The following PLXDC2 variants were observed in gnomAD, a reference collection of about 807,000 sequenced individuals.
The protein encoded by PLXDC2 is plexin domain containing 2.
PLXDC2 carries 40 observed loss-of-function variants against 68.9 expected under a neutral mutation model. The observed-to-expected ratio is 0.58, with a 90% confidence interval of 0.45 to 0.76. The LOEUF (loss-of-function observed/expected upper bound fraction) is 0.76. Among genes scored for constraint, PLXDC2 ranks in the 30% least tolerant of loss-of-function variants. The pLI is 0.00. For synonymous variants in PLXDC2, 243 were observed against 234.2 expected (o/e 1.04, Z -0.34); for missense variants, 644 against 661.9 (o/e 0.97, Z 0.30).
chr10:20,183,191 G>T (rs1461099802), intron 9 of PLXDC2, among the ~76,000 whole-genome samples: 1 of 151,874 alleles, frequency 6.6e-6, no homozygotes, highest in Non-Finnish European at 1.5e-5. Context: ...GTAGATAGGG[G>T]ATATGTAAGC....
chr10:20,069,065 T>C (rs1329706323), intron 4 of PLXDC2, among the ~76,000 whole-genome samples: 1 of 152,132 alleles, frequency 6.6e-6, no homozygotes, highest in Admixed American at 6.6e-5. Flanking sequence ...GCTGTGAGCA[T>C]CTATGCCCAA....
chr10:19,818,643 T>G (rs1002608748), intron 1 of PLXDC2, among the ~76,000 whole-genome samples: 5 of 152,210 alleles, frequency 3.3e-5, no homozygotes, highest in Admixed American at 1.3e-4. Flanking sequence ...TGTTCTGCAT[T>G]AATGGACATA....
intron 9 of PLXDC2, among the ~76,000 whole-genome samples, chr10:20,204,645 G>A (rs1834966220): frequency 6.6e-6 from 1 of 152,100 alleles, no homozygotes; most frequent in Non-Finnish European, 1.5e-5. Flanking sequence ...TACATATAGA[G>A]CATAGTTAAG....
intron 13 of PLXDC2, among the ~76,000 whole-genome samples, chr10:20,259,164 A>G (rs1311763145): frequency 2.6e-5 from 4 of 152,122 alleles, no homozygotes; most frequent in East Asian, 1.9e-4. Flanking sequence ...ACACACACAC[A>G]TATTTATTAA....
intron 1 of PLXDC2, among the ~76,000 whole-genome samples, chr10:19,920,130 G>T (rs572968905): frequency 6.6e-6 from 1 of 152,156 alleles, no homozygotes; most frequent in East Asian, 1.9e-4. Context: ...ATTCCCAACC[G>T]TGAGGCCAAG....
At chr10:20,137,096 G>A (rs571480927) in intron 4 of PLXDC2, among the ~76,000 whole-genome samples, 1 of 152,292 alleles carries the variant, frequency 6.6e-6, no homozygotes, top group South Asian at 2.1e-4. Flanking sequence ...GAATAAGGCA[G>A]ATAGATACAT....
intron 13 of PLXDC2, among the ~76,000 whole-genome samples, chr10:20,257,786 C>T (rs924674064): frequency 6.6e-6 from 1 of 151,920 alleles, no homozygotes; most frequent in African/African-American, 2.4e-5. Flanking sequence ...TCCCTTATGT[C>T]CTTTTCACAA....
Position 19,876,136 on chromosome 10 carries a change from G to A in PLXDC2, c.112+58945G>A, listed in dbSNP as rs117204755. Among the ~76,000 whole-genome samples, 11 of 152,204 alleles carry A rather than the reference G, an allele frequency of 7.2e-5. No individual in the cohort carries two copies. In the East Asian group the frequency reaches 2.1e-3, roughly 29 times the overall value. Reference sequence around the variant, plus strand: ...CAAGTCCTGTTTACACTATGGGTCTGGGAGAGTAATAAAGGAACCAGAAGG... The same window carrying A: ...CAAGTCCTGTTTACACTATGGGTCTAGGAGAGTAATAAAGGAACCAGAAGG... On this transcript the variant is annotated intron_variant, in intron 1 of 13. Transcript: ENST00000377252.
chr10:19,956,323 T>C (rs546812781), intron 1 of PLXDC2, among the ~76,000 whole-genome samples: 1 of 152,246 alleles, frequency 6.6e-6, no homozygotes, highest in Non-Finnish European at 1.5e-5. Flanking sequence ...ATGTAACATA[T>C]CTCAGTAATC....
chr10:19,984,320 G>A lies in PLXDC2; in HGVS notation c.113-17455G>A, dbSNP rs374652981. Among the ~76,000 whole-genome samples, 118 of 152,272 alleles carry A rather than the reference G, an allele frequency of 7.7e-4. 1 individual carries two copies. Among genetic ancestry groups the A allele is most frequent in the African/African-American group, 2.8e-3 (117 of 41,570 alleles). ...TGAACATCCCAGGTGGACTTTGTGT[G>A]GGAGCTGAAACTGAACCTGAGGTCT... On this transcript the variant is annotated intron_variant, in intron 1 of 13. Coordinates refer to ENST00000377252, the MANE Select transcript of PLXDC2 (RefSeq NM_032812.9).
chr10:19,977,362 C>T (rs1199140552), intron 1 of PLXDC2, among the ~76,000 whole-genome samples: 4 of 152,190 alleles, frequency 2.6e-5, no homozygotes, highest in Non-Finnish European at 5.9e-5. Flanking sequence ...TCACAAGATC[C>T]CCAGGATAGG....
intron 9 of PLXDC2, among the ~76,000 whole-genome samples, chr10:20,177,798 A>G (rs947587911): frequency 5.9e-5 from 9 of 152,164 alleles, no homozygotes; most frequent in African/African-American, 2.2e-4. Flanking sequence ...AAAGTGTAGC[A>G]TATGTATGCA....
intron 1 of PLXDC2, among the ~76,000 whole-genome samples, chr10:19,962,917 G>T (rs1425710536): frequency 6.7e-6 from 1 of 149,448 alleles, no homozygotes; most frequent in Non-Finnish European, 1.5e-5. Flanking sequence ...GTGAACCTGG[G>T]AGGCAGAGCT....
chr10:20,175,399 C>G (rs2131824739), intron 7 of PLXDC2, among the ~76,000 whole-genome samples: 1 of 152,320 alleles, frequency 6.6e-6, no homozygotes, highest in South Asian at 2.1e-4. Flanking sequence ...TTATTAACCA[C>G]TATGACGCTC....
chr10:20,010,537 C>T (rs1410323601), intron 2 of PLXDC2, among the ~76,000 whole-genome samples: 1 of 152,102 alleles, frequency 6.6e-6, no homozygotes, highest in Non-Finnish European at 1.5e-5. Context: ...GGAAAAAATC[C>T]ATAGCTGTCC....
intron 4 of PLXDC2, among the ~76,000 whole-genome samples, chr10:20,115,352 T>C (rs1298152801): frequency 6.6e-6 from 1 of 152,170 alleles, no homozygotes; most frequent in African/African-American, 2.4e-5. Context: ...TGACCCCTTA[T>C]CTAAGGCCAG....
intron 13 of PLXDC2, among the ~76,000 whole-genome samples, chr10:20,256,906 A>T (rs531694329): frequency 6.6e-6 from 1 of 152,326 alleles, no homozygotes; most frequent in South Asian, 2.1e-4. Context: ...GAAAAGCAGG[A>T]TAGCACTTCT....
chr10:20,190,527 C>G (rs1465585897), intron 9 of PLXDC2, among the ~76,000 whole-genome samples: 1 of 151,650 alleles, frequency 6.6e-6, no homozygotes, highest in Non-Finnish European at 1.5e-5. Context: ...AGCACACCAA[C>G]ATGGCACATG....
intron 1 of PLXDC2, among the ~76,000 whole-genome samples, chr10:19,984,790 G>C (rs191597613): frequency 2.0e-5 from 3 of 152,230 alleles, no homozygotes; most frequent in East Asian, 3.9e-4. Flanking sequence ...TTTGTGAAGC[G>C]TGTAGGTTTG....
Sources: allele counts gnomAD v4.1 joint callset (sites outside exome capture counted in the v4.1 genomes callset), GRCh38; gene constraint gnomAD v4.1.1; transcripts MANE v1.5; gene names NCBI Gene and HGNC (gene_info 2026-07-23, HGNC 2026-07-21).